Variants in MAPK6 observed in about 807,000 individuals in gnomAD.
MAPK6 encodes ERK-3.
Under a neutral mutation model 59.3 loss-of-function variants are expected in MAPK6, and 19 were observed. The ratio of observed to expected loss-of-function variants is 0.32; its 90% CI spans 0.22 to 0.47. The LOEUF is 0.47. MAPK6 is among the 20% of genes least tolerant of loss of function. MAPK6 has a pLI of 1.00. For synonymous variants in MAPK6, 316 were observed against 290.3 expected (o/e 1.09, Z -0.90); for missense variants, 724 against 847.9 (o/e 0.85, Z 1.81).
chr15:52,013,771 C>T (rs1424812816), intron 3 of MAPK6, among the ~76,000 whole-genome samples: 1 of 152,168 alleles, frequency 6.6e-6, no homozygotes, highest in Non-Finnish European at 1.5e-5. Context: ...TACCAGAAGA[C>T]CGTACATTGG....
intron 1 of MAPK6, among the ~76,000 whole-genome samples, chr15:52,037,917 C>T (rs1269588939): frequency 6.6e-6 from 1 of 152,038 alleles, no homozygotes; most frequent in African/African-American, 2.4e-5. Context: ...CTACTTAGTC[C>T]CAAACCTTTT....
At chr15:51,978,146 T>C (rs1443645029) in intron 1 of MAPK6, among the ~76,000 whole-genome samples, 1 of 151,406 alleles carries the variant, frequency 6.6e-6, no homozygotes, top group African/African-American at 2.4e-5. Flanking sequence ...AATTTTTTTT[T>C]TTTTGTAACA....
upstream of MAPK6, among the ~76,000 whole-genome samples, chr15:52,014,560 A>C (rs969340828): frequency 2.0e-5 from 3 of 151,936 alleles, no homozygotes; most frequent in Non-Finnish European, 4.4e-5. Context: ...AAAAATAATT[A>C]GCCAGGTGTG....
chr15:52,034,481 T>C (rs2031167301), intron 1 of MAPK6, among the ~76,000 whole-genome samples: 1 of 151,868 alleles, frequency 6.6e-6, no homozygotes. Flanking sequence ...GGCTCATTTT[T>C]GTGTTTTTTG....
At chr15:52,007,478 A>T (rs2029927008) in intron 3 of MAPK6, among the ~76,000 whole-genome samples, 1 of 152,214 alleles carries the variant, frequency 6.6e-6, no homozygotes, top group Non-Finnish European at 1.5e-5. Context: ...TGTTTTAAAT[A>T]TGTGATTTAA....
At chr15:52,051,957 G>C (rs916662474) in intron 3 of MAPK6, among the ~76,000 whole-genome samples, 10 of 152,094 alleles carry the variant, frequency 6.6e-5, no homozygotes, top group Admixed American at 5.9e-4. Context: ...TTATTAAATG[G>C]ATTGATTTTT....
At chr15:52,042,104 G>T (rs17612255) in intron 1 of MAPK6, among the ~76,000 whole-genome samples, 1 of 152,128 alleles carries the variant, frequency 6.6e-6, no homozygotes, top group Non-Finnish European at 1.5e-5. Context: ...AGCATTACTC[G>T]CAGCTTACTA....
chr15:52,025,233 C>T (rs2030722690), intron 1 of MAPK6, among the ~76,000 whole-genome samples: 1 of 151,986 alleles, frequency 6.6e-6, no homozygotes, highest in South Asian at 2.1e-4. Flanking sequence ...AGCAAGAGAC[C>T]CTGTCTCAAA....
At chr15:52,034,411 C>T (rs1477623100) in intron 1 of MAPK6, among the ~76,000 whole-genome samples, 1 of 152,010 alleles carries the variant, frequency 6.6e-6, no homozygotes, top group Admixed American at 6.6e-5. Context: ...CTCCCGGGTT[C>T]AAGCAGTCCT....
intron 1 of MAPK6, among the ~76,000 whole-genome samples, chr15:51,975,559 A>G (rs775394643): frequency 6.6e-6 from 1 of 151,884 alleles, no homozygotes; most frequent in African/African-American, 2.4e-5. Flanking sequence ...AGTATAAAAT[A>G]TATACTTACA....
Position 52,065,005 on chromosome 15 carries a change from C to T in MAPK6, c.*5C>T. ...ATTCTGAAACATCTGAACTAAAACA[C>T]TCAGCAGACATTTATCTTTGTATTC... is the stretch of plus-strand genomic sequence containing the variant. On this transcript the variant is annotated 3_prime_UTR_variant, in exon 6 of 6. Coordinates refer to ENST00000261845, the MANE Select transcript of MAPK6 (RefSeq NM_002748.4). 2 of 1,591,426 alleles carry T rather than the reference C, an allele frequency of 1.3e-6. No individual in the cohort carries two copies. Among genetic ancestry groups the T allele is most frequent in the African/African-American group, 1.3e-5 (1 of 74,572 alleles).
At chr15:52,022,450 T>C (rs1356417011) in intron 1 of MAPK6, among the ~76,000 whole-genome samples, 1 of 152,022 alleles carries the variant, frequency 6.6e-6, no homozygotes, top group Non-Finnish European at 1.5e-5. Flanking sequence ...TTTGTAGAGA[T>C]GAATGTTCAC....
At chr15:52,041,341 C>T (rs1348605943) in intron 1 of MAPK6, among the ~76,000 whole-genome samples, 1 of 152,124 alleles carries the variant, frequency 6.6e-6, no homozygotes, top group Non-Finnish European at 1.5e-5. Flanking sequence ...GGATTACAGA[C>T]ATGCGCCACC....
At position 52,065,143 on chromosome 15, in the gene MAPK6, G is replaced by C; in HGVS notation, c.*143G>C. ...ATGAGTTCTTGTTTTTTAAAATCCA[G>C]ACTTTCTTTTTCTACATGTGAGATA... On this transcript the variant is annotated 3_prime_UTR_variant, in exon 6 of 6. Transcript: ENST00000261845. 2.7e-6 allele frequency: 2 copies of C among 749,480 alleles called. No homozygotes were observed. Among genetic ancestry groups the C allele is most frequent in the Non-Finnish European group, 4.0e-6 (2 of 504,492 alleles). 46.4% of individuals were successfully genotyped at this position (749,480 alleles called of 1,614,324 possible).
chr15:52,019,938 C>G (rs957146485), intron 1 of MAPK6: 1 of 152,992 alleles, frequency 6.5e-6, no homozygotes, highest in African/African-American at 2.4e-5. Flanking sequence ...TGACTCCGGC[C>G]GGGCAAAGTC....
intron 1 of MAPK6, among the ~76,000 whole-genome samples, chr15:52,027,089 A>G (rs769249357): frequency 2.2e-5 from 3 of 139,368 alleles, no homozygotes; most frequent in South Asian, 2.3e-4. Context: ...CGCGGTGGCT[A>G]ATGCCTGTAA....
At chr15:51,979,443 A>G (rs1045670004) in intron 1 of MAPK6, among the ~76,000 whole-genome samples, 4 of 151,836 alleles carry the variant, frequency 2.6e-5, no homozygotes, top group Non-Finnish European at 5.9e-5. Context: ...TCCAAGATAC[A>G]TGGTAAGGAG....
chr15:52,022,294 T>C (rs1383954944), intron 1 of MAPK6, among the ~76,000 whole-genome samples: 1 of 152,234 alleles, frequency 6.6e-6, no homozygotes. Flanking sequence ...AGGGTCTTGC[T>C]CTGTCACCCT....
intron 2 of MAPK6, among the ~76,000 whole-genome samples, chr15:51,996,308 T>C (rs2057224054): frequency 1.3e-5 from 2 of 152,134 alleles, no homozygotes; most frequent in African/African-American, 4.8e-5. Flanking sequence ...ATTCTAGGAG[T>C]CTTCAATGCC....
Sources: gnomAD v4.1 joint callset for allele counts (sites outside exome capture counted in the v4.1 genomes callset) on GRCh38, gnomAD v4.1.1 for gene constraint, MANE v1.5 for transcripts, NCBI Gene and HGNC (gene_info 2026-07-23, HGNC 2026-07-21) for gene names.